SLC15A2: variants seen among roughly 807,000 people sequenced by gnomAD.
SLC15A2 encodes the protein solute carrier family 15 member 2, also known as kidney H(+)/peptide cotransporter.
SLC15A2 carries 77 observed loss-of-function variants against 95.5 expected under a neutral mutation model. The ratio of observed to expected loss-of-function variants is 0.81; its 90% CI spans 0.67 to 0.97. The LOEUF is 0.97. Ranked by LOEUF, SLC15A2 falls within the 50% of genes least tolerant of loss-of-function variation. The pLI is 0.00. For missense variants in SLC15A2, 893 were observed against 874.4 expected (o/e 1.02, Z -0.27); for synonymous variants, 306 against 306.9 (o/e 1.00, Z 0.03).
At chr3:121,927,654 T>C in intron 13 of SLC15A2, 104 bp from the exon 14 acceptor site, 1 of 795,460 alleles carries the variant, frequency 1.3e-6, no homozygotes, top group South Asian at 1.6e-5. Context: ...TTTACAGCAA[T>C]GCAAGAACAG....
At chr3:121,904,009 A>T (rs1365985397) in intron 3 of SLC15A2, among the ~76,000 whole-genome samples, 1 of 152,068 alleles carries the variant, frequency 6.6e-6, no homozygotes, top group African/African-American at 2.4e-5. Flanking sequence ...ATTTGTTTGT[A>T]TCCTCTTTTA....
At chr3:121,922,424 T>C (rs1306052388) in intron 8 of SLC15A2, 122 bp downstream of exon 8, 1 of 712,396 alleles carries the variant, frequency 1.4e-6, no homozygotes, top group Non-Finnish European at 2.3e-6. Flanking sequence ...ATTTTCATGT[T>C]TTTTAACAAG....
chr3:121,917,302 A>G (rs1337158883), intron 7 of SLC15A2, among the ~76,000 whole-genome samples: 1 of 152,194 alleles, frequency 6.6e-6, no homozygotes, highest in Non-Finnish European at 1.5e-5. Context: ...AGGAATTTAC[A>G]ATATGGTATG....
chr3:121,895,796 A>T (rs1240212366), intron 1 of SLC15A2, among the ~76,000 whole-genome samples: 1 of 152,228 alleles, frequency 6.6e-6, no homozygotes, highest in East Asian at 1.9e-4. Flanking sequence ...TAGTAGGAAG[A>T]GTAGACATTT....
chr3:121,899,524 T>G (rs9830721), intron 3 of SLC15A2, among the ~76,000 whole-genome samples: 67,946 of 151,916 alleles, frequency 0.45, 15,722 homozygotes, highest in East Asian at 0.69. Flanking sequence ...TTTTTCTCCT[T>G]TTACATTAAC....
In SLC15A2 at chr3:121,924,896, CATGAT is replaced by C. The variant is rs749089700; in HGVS notation, c.1036-47_1036-43del. 3 of 1,333,764 alleles carry C rather than the reference CATGAT, an allele frequency of 2.2e-6. No homozygotes were observed. The South Asian group carries it at 3.5e-5, about 16-fold the overall frequency. 82.6% of individuals were successfully genotyped at this position (1,333,764 alleles called of 1,614,324 possible). A position where few individuals can be genotyped will look rare whatever the true frequency, so the allele number is the denominator to read the frequency against. On this transcript the variant is annotated intron_variant, in intron 12 of 21. Coordinates refer to ENST00000489711, the MANE Select transcript of SLC15A2 (RefSeq NM_021082.4). ...AGCAAATGAGTGCAGTGCTCACACT[CATGAT>C]AGGAGAATATTTGTAGCTAATCCTT...
intron 19 of SLC15A2, among the ~76,000 whole-genome samples, chr3:121,934,975 C>A (rs1219536488): frequency 3.1e-5 from 3 of 96,968 alleles, no homozygotes; most frequent in African/African-American, 5.4e-5. Context: ...TAGCATGAAG[C>A]GTTGTTGAAT....
At chr3:121,919,998 G>C (rs1709973673) in intron 7 of SLC15A2, among the ~76,000 whole-genome samples, 1 of 152,192 alleles carries the variant, frequency 6.6e-6, no homozygotes, top group Non-Finnish European at 1.5e-5. Context: ...GGGAGTTGAA[G>C]GAGTTTCCAT....
At chr3:121,934,590 T>C (rs1576691680) in intron 19 of SLC15A2, among the ~76,000 whole-genome samples, 2 of 150,806 alleles carry the variant, frequency 1.3e-5, no homozygotes, top group African/African-American at 4.8e-5. Flanking sequence ...ATAAGAATGC[T>C]TGTGATTTTT....
intron 3 of SLC15A2, among the ~76,000 whole-genome samples, chr3:121,899,554 C>T (rs537594705): frequency 8.5e-5 from 13 of 152,214 alleles, no homozygotes; most frequent in Non-Finnish European, 1.5e-4. Context: ...TAAAAATAAT[C>T]CTCTGTATGT....
chr3:121,908,506 C>A (rs1709700492), intron 3 of SLC15A2, among the ~76,000 whole-genome samples: 1 of 152,178 alleles, frequency 6.6e-6, no homozygotes, highest in Non-Finnish European at 1.5e-5. Flanking sequence ...CGTATTCAGC[C>A]ATCTTGGAGT....
In SLC15A2 at chr3:121,916,114, T is replaced by C. The variant is rs1385238517; in HGVS notation, c.697+421T>C. Among the ~76,000 whole-genome samples the C allele has an allele frequency of 1.3e-5, 2 of 152,218 alleles. 1 individual carries two copies. Among genetic ancestry groups the C allele is most frequent in the Middle Eastern group, 6.3e-3 (2 of 316 alleles). ...TTATTTATCTGGTAATTGGAAAAGA[T>C]TTTAAATTCTCCAAGCCTTTTAAAA... is the stretch of plus-strand genomic sequence containing the variant. On this transcript the variant is annotated intron_variant, in intron 7 of 21. Coordinates refer to ENST00000489711, the MANE Select transcript of SLC15A2 (RefSeq NM_021082.4).
intron 1 of SLC15A2, among the ~76,000 whole-genome samples, chr3:121,896,089 C>T (rs547761371): frequency 6.6e-5 from 10 of 152,268 alleles, no homozygotes; most frequent in Admixed American, 2.0e-4. Flanking sequence ...TAAATATCAC[C>T]ATTCTTCTGC....
At position 121,939,402 on chromosome 3, in the gene SLC15A2, AATGTCC is replaced by A; in HGVS notation, c.1818_1823del (p.Met606_Ser607del). On this transcript the variant is annotated inframe_deletion, in exon 20 of 22. Coordinates refer to ENST00000489711, the MANE Select transcript of SLC15A2 (RefSeq NM_021082.4). ...AGATTGAAGACATTCCAGCCAACAAAATGTCCATTGCGTGGCAGCTACCACAATATG... is the reference window on the plus strand; with the variant it reads ...AGATTGAAGACATTCCAGCCAACAAAATTGCGTGGCAGCTACCACAATATG... 1 of 1,581,966 alleles carries A rather than the reference AATGTCC, an allele frequency of 6.3e-7. No individual in the cohort carries two copies. The highest frequency in any genetic ancestry group is 8.6e-7 in the Non-Finnish European group (1 of 1,164,700).
At chr3:121,928,315 C>A in intron 14 of SLC15A2, 106 bp from the exon 15 acceptor site, 1 of 1,347,052 alleles carries the variant, frequency 7.4e-7, no homozygotes, top group Non-Finnish European at 1.0e-6. Flanking sequence ...AAAACTATGT[C>A]TACTTGGCTA....
At position 121,929,061 on chromosome 3, in the gene SLC15A2, C is replaced by T. The variant is rs189298813; in HGVS notation, c.1421C>T (p.Ser474Phe). Reference protein sequence around the residue: ...FHFHLKYHNLSLYTEHSVQEK... With the variant: ...FHFHLKYHNLFLYTEHSVQEK... ...TTCCACCTGAAATATCACAATTTGT[C>T]TCTCTACACTGAGCATTCTGTGCAG... is the stretch of plus-strand genomic sequence containing the variant. Residue 474 changes from serine (S) to phenylalanine (F), a missense_variant, in exon 16 of 22, where the codon TCT (serine) becomes TTT (phenylalanine). By Grantham distance (155) the Ser-to-Phe change is radical. Transcript: ENST00000489711. 1.6e-5 allele frequency: 26 copies of T among 1,614,106 alleles called. No homozygotes were observed. The African/African-American group carries it at 3.1e-4, about 19-fold the overall frequency.
chr3:121,922,860 C>T lies in SLC15A2; in HGVS notation c.866C>T (p.Pro289Leu). The T allele has an allele frequency of 3.7e-6, 6 of 1,612,700 alleles. No individual in the cohort carries two copies. The highest frequency in any genetic ancestry group is 5.1e-6 in the Non-Finnish European group (6 of 1,178,812). ...HWLDWAAEKY[P>L]KQLIMDVKAL... ...CTAGACTGGGCGGCTGAGAAATATC[C>T]AGTAAGTTGGAAATGCAGAAACATC... Residue 289 changes from proline to leucine, a missense_variant and splice_region_variant, in exon 9 of 22, where the codon CCA (proline) becomes CTA (leucine). By Grantham distance (98) the Pro-to-Leu change is moderately conservative. Transcript: ENST00000489711.
chr3:121,923,159 T>C (rs1393970396), intron 10 of SLC15A2, 30 bp downstream of exon 10: 1 of 1,613,236 alleles, frequency 6.2e-7, no homozygotes, highest in Non-Finnish European at 8.5e-7. Context: ...ACATTACCGC[T>C]CCTTACAGCC....
chr3:121,911,751 CT>C, intron 4 of SLC15A2, 85 bp downstream of exon 4: 1 of 902,898 alleles, frequency 1.1e-6, no homozygotes, highest in East Asian at 2.5e-5. Flanking sequence ...AGAGATGTCT[CT>C]TTATTTTCAA....
Sources: allele counts gnomAD v4.1 joint callset (sites outside exome capture counted in the v4.1 genomes callset), GRCh38; gene constraint gnomAD v4.1.1; transcripts MANE v1.5; gene names NCBI Gene and HGNC (gene_info 2026-07-23, HGNC 2026-07-21).